Variants in RASGRF1 observed in about 807,000 individuals in gnomAD.
RASGRF1 encodes Ras protein specific guanine nucleotide releasing factor 1.
In RASGRF1, 40 loss-of-function variants were observed where a neutral mutation model predicts 138.7. That is an observed-to-expected ratio of 0.29 (90% CI 0.22 to 0.38). The LOEUF (loss-of-function observed/expected upper bound fraction) is 0.38. Among genes scored for constraint, RASGRF1 ranks in the 10% least tolerant of loss-of-function variants. The pLI is 1.00. For synonymous variants in RASGRF1, 614 were observed against 663.2 expected, an observed-to-expected ratio of 0.93 and a Z score of 1.14; for missense variants, 1,108 against 1,650.4, an observed-to-expected ratio of 0.67 and a Z score of 5.69.
Position 78,998,825 on chromosome 15 carries a change from C to T in RASGRF1, c.2747G>A (p.Gly916Glu). ...TCCATTCCTCTGGTCTGGGGGAAAC[C>T]CTGGCAGCATGCGTGGCAGAGGGGA... Reference protein sequence around the residue: ...KYRRMSLASAGFPPDQRNGDK... With the variant: ...KYRRMSLASAEFPPDQRNGDK... The change falls in exon 18 of 27, where the codon GGG becomes GAG. Residue 916 changes from glycine to glutamate, a missense_variant and splice_region_variant. Coordinates refer to ENST00000558480, the MANE Select transcript of RASGRF1 (RefSeq NM_001145648.3). The T allele has an allele frequency of 1.9e-6, 3 of 1,611,420 alleles. No homozygotes were observed. The highest frequency in any genetic ancestry group is 2.5e-6 in the Non-Finnish European group (3 of 1,177,614).
intron 3 of RASGRF1, 54 bp from the exon 4 acceptor site, chr15:79,049,642 A>T: frequency 1.3e-6 from 2 of 1,510,754 alleles, no homozygotes; most frequent in Admixed American, 1.8e-5. Context: ...CAGAGGCCCC[A>T]GGTCTTTGGC....
At chr15:79,064,578 A>T (rs903192423) in intron 1 of RASGRF1, 52 bp from the exon 2 acceptor site, 4 of 1,486,082 alleles carry the variant, frequency 2.7e-6, no homozygotes, top group Middle Eastern at 1.7e-4. Context: ...TGGGACCAAC[A>T]ACGACTCTTG....
intron 1 of RASGRF1, among the ~76,000 whole-genome samples, chr15:79,067,323 C>T (rs2057693507): frequency 6.6e-6 from 1 of 152,190 alleles, no homozygotes; most frequent in South Asian, 2.1e-4. Flanking sequence ...ACTGGAGGAT[C>T]TACCACGCCT....
chr15:79,008,527 C>T (rs780428899), intron 13 of RASGRF1, among the ~76,000 whole-genome samples: 2 of 152,124 alleles, frequency 1.3e-5, no homozygotes, highest in African/African-American at 2.4e-5. Flanking sequence ...CCTTGAGAAG[C>T]AACCATGAAG....
chr15:79,072,004 G>A (rs2057762554), intron 1 of RASGRF1, among the ~76,000 whole-genome samples: 1 of 152,122 alleles, frequency 6.6e-6, no homozygotes, highest in Non-Finnish European at 1.5e-5. Flanking sequence ...TGGTTTGGGT[G>A]TGTTTTGGGA....
chr15:78,970,101 T>C (rs1482604547), intron 26 of RASGRF1, among the ~76,000 whole-genome samples: 1 of 152,092 alleles, frequency 6.6e-6, no homozygotes, highest in Non-Finnish European at 1.5e-5. Context: ...ACAAAGGACA[T>C]TAGAAGGGAA....
At chr15:79,070,217 GA>G (rs961877401) in intron 1 of RASGRF1, among the ~76,000 whole-genome samples, 1 of 152,202 alleles carries the variant, frequency 6.6e-6, no homozygotes, top group African/African-American at 2.4e-5. Flanking sequence ...TTTGGAGATG[GA>G]GAGCACATGG....
intron 24 of RASGRF1, among the ~76,000 whole-genome samples, chr15:78,978,215 C>CTTTTTTTTTTTTTTTTTTTTTTT (rs2055915117): frequency 2.5e-5 from 2 of 79,344 alleles, no homozygotes; most frequent in African/African-American, 1.0e-4. Context: ...TTTTTCTTTT[C>CTTTTTTTTTTTTTTTTTTTTTTT]TTTTGTTTTT....
At chr15:79,017,007 T>C (rs28621627) in intron 12 of RASGRF1, among the ~76,000 whole-genome samples, 30,344 of 152,142 alleles carry the variant, frequency 0.2, 4,412 homozygotes, top group East Asian at 0.71. Context: ...GCTGCTGGGA[T>C]GGCACATCCC....
chr15:79,012,218 A>T (rs1040871790), intron 13 of RASGRF1, among the ~76,000 whole-genome samples: 2 of 151,844 alleles, frequency 1.3e-5, no homozygotes, highest in African/African-American at 4.8e-5. Context: ...TTGCCTCCGA[A>T]CCTATGTTCA....
intron 2 of RASGRF1, among the ~76,000 whole-genome samples, chr15:79,058,886 T>C (rs1396397535): frequency 6.6e-6 from 1 of 152,246 alleles, no homozygotes; most frequent in African/African-American, 2.4e-5. Context: ...AAGAGACTTG[T>C]TTTTCCTTGT....
chr15:78,979,001 G>C, intron 24 of RASGRF1: 1 of 1,292,664 alleles, frequency 7.7e-7, no homozygotes, highest in Non-Finnish European at 1.0e-6. Context: ...GGCCCCAGAG[G>C]CAGTGGAGGC....
At chr15:79,012,569 C>T in intron 13 of RASGRF1, 1 of 1,612,806 alleles carries the variant, frequency 6.2e-7, no homozygotes. Flanking sequence ...GCAGATGGGT[C>T]CTTGAAGTTG....
intron 19 of RASGRF1, 140 bp downstream of exon 19, chr15:78,997,956 C>A: frequency 1.5e-6 from 1 of 688,380 alleles, no homozygotes; most frequent in South Asian, 1.7e-5. Flanking sequence ...CTCACCTCTA[C>A]CCCAGCACTC....
intron 24 of RASGRF1, chr15:78,980,348 CACT>C (rs2055995420): frequency 3.3e-6 from 1 of 305,290 alleles, no homozygotes. Context: ...AATCTGGCAC[CACT>C]ACTATTATCA....
At chr15:79,019,068 C>CGTGT (rs147205114) in intron 11 of RASGRF1, among the ~76,000 whole-genome samples, 5 of 151,236 alleles carry the variant, frequency 3.3e-5, no homozygotes, top group Non-Finnish European at 7.4e-5. Flanking sequence ...TGCATGAGGG[C>CGTGT]GTGTGTGTGT....
Position 78,962,139 on chromosome 15 carries a change from CA to C in RASGRF1, c.*4del. On this transcript the variant is annotated 3_prime_UTR_variant, in exon 27 of 27. Coordinates refer to ENST00000558480, the MANE Select transcript of RASGRF1 (RefSeq NM_001145648.3). The stretch of plus-strand genomic sequence containing the variant: ...GGAGCAGCTGGGTCTGGGCTGGGCT[CA>C]GCTTCAGGTGGGGAGTTTTGGTTCT... 1 of 1,545,624 alleles carries C rather than the reference CA, an allele frequency of 6.5e-7. No individual in the cohort carries two copies. Among genetic ancestry groups the C allele is most frequent in the Non-Finnish European group, 8.9e-7 (1 of 1,127,290 alleles).
At chr15:78,966,766 A>T (rs899566349) in intron 26 of RASGRF1, among the ~76,000 whole-genome samples, 2 of 152,072 alleles carry the variant, frequency 1.3e-5, no homozygotes, top group Non-Finnish European at 2.9e-5. Flanking sequence ...GAGCCCCCCA[A>T]ATCCAGTGCA....
rs2057411130 is a variant in RASGRF1, at chr15:79,050,168, C to CA, written c.532-581dup. On this transcript the variant is annotated intron_variant, in intron 3 of 26. Transcript: ENST00000558480. This position sits in a 1 kb window ranked among gnomAD's most constrained non-coding sequence, Gnocchi z 4.1. ...AATAACTCTCCATTCCCCTTCCTCC[C>CA]AGTCCCTGGCAACCACATTCCACCT... Among the ~76,000 whole-genome samples the CA allele has an allele frequency of 6.6e-6, 1 of 152,184 alleles. No homozygotes were observed. Among genetic ancestry groups the CA allele is most frequent in the East Asian group, 1.9e-4 (1 of 5,204 alleles).
Sources: gnomAD v4.1 joint callset for allele counts (sites outside exome capture counted in the v4.1 genomes callset) on GRCh38, gnomAD v4.1.1 for gene constraint, Gnocchi (gnomAD v3.1) non-coding constraint, MANE v1.5 for transcripts, NCBI Gene and HGNC (gene_info 2026-07-23, HGNC 2026-07-21) for gene names.